The following WDR44 variants were observed in gnomAD, a reference collection of about 807,000 sequenced individuals.
The protein encoded by WDR44 is WD repeat-containing protein 44.
Under a neutral mutation model 65.7 loss-of-function variants are expected in WDR44, and 9 were observed. The ratio of observed to expected loss-of-function variants is 0.14; its 90% CI spans 0.08 to 0.24. WDR44 has a LOEUF of 0.24. Among genes scored for constraint, WDR44 ranks in the 10% least tolerant of loss-of-function variants. WDR44 has a pLI of 1.00. For missense variants in WDR44, 425 were observed against 670.9 expected (o/e 0.63, Z 4.05); for synonymous variants, 220 against 235.2 (o/e 0.94, Z 0.59).
rs1459917015 is a variant in WDR44 at position 118,422,668 on chromosome X, G to A, written c.1738-10113G>A. On this transcript the variant is annotated intron_variant, in intron 12 of 19. Coordinates refer to ENST00000254029, the MANE Select transcript of WDR44 (RefSeq NM_019045.5). ...ATCGCACCATTGCACTCCAGCCTGG[G>A]TGACAAGAGCAAAACTCCGTCTCAA... Among the ~76,000 whole-genome samples the A allele has an allele frequency of 6.4e-5, 7 of 109,005 alleles. No individual in the cohort carries two copies. The East Asian group carries it at 2.0e-3, about 31-fold the overall frequency. The allele number at this position is 109,005 out of a possible 115,157, so 94.7% of individuals were successfully genotyped here.
rs1398313578 is a variant in WDR44, at chrX:118,430,340, A to C, written c.1738-2441A>C. Among the ~76,000 whole-genome samples, 4 of 104,807 alleles carry C rather than the reference A, an allele frequency of 3.8e-5. No homozygotes were observed. The Admixed American group carries it at 4.2e-4, about 11-fold the overall frequency. 91.0% of individuals were successfully genotyped at this position (104,807 alleles called of 115,157 possible). Reference sequence around the variant, plus strand: ...TGGTGGATCATGAGGTCAGGAGTTCAAGACCAGCCTGGCCAAGATGGTGAA... The same window carrying C: ...TGGTGGATCATGAGGTCAGGAGTTCCAGACCAGCCTGGCCAAGATGGTGAA... On this transcript the variant is annotated intron_variant, in intron 12 of 19. Coordinates refer to ENST00000254029, the MANE Select transcript of WDR44 (RefSeq NM_019045.5).
At chrX:118,436,102 C>T (rs987914066) in intron 13 of WDR44, among the ~76,000 whole-genome samples, 1 of 112,084 alleles carries the variant, frequency 8.9e-6, no homozygotes, top group African/African-American at 3.2e-5. Context: ...GGGGCCATCA[C>T]GGTGCCTAAG....
intron 3 of WDR44, among the ~76,000 whole-genome samples, chrX:118,391,217 G>A (rs970467813): frequency 2.7e-5 from 3 of 111,836 alleles, no homozygotes; most frequent in African/African-American, 9.8e-5. Context: ...CCGTGCTAAT[G>A]TCTCTGTATC....
chrX:118,441,622 G>A (rs2057305703), intron 15 of WDR44, 63 bp downstream of exon 15: 2 of 1,006,042 alleles, frequency 2.0e-6, no homozygotes, highest in African/African-American at 1.9e-5. Flanking sequence ...CATGGTTTTG[G>A]ACAAGTTGCT....
intron 1 of WDR44, among the ~76,000 whole-genome samples, chrX:118,350,535 A>G (rs1225331963): frequency 9.0e-6 from 1 of 111,631 alleles, no homozygotes; most frequent in East Asian, 2.8e-4. Context: ...TGTATTGATA[A>G]GCTTTTGTTC....
In WDR44 at chrX:118,367,051, A is replaced by G. The variant is rs770256384; in HGVS notation, c.78-11368A>G. 2.9e-3 allele frequency among the ~76,000 whole-genome samples: 321 copies of G among 109,176 alleles called. 3 individuals are homozygous for G. The highest frequency in any genetic ancestry group is 0.014 in the Middle Eastern group (3 of 212). 94.8% of individuals were successfully genotyped at this position (109,176 alleles called of 115,157 possible). On this transcript the variant is annotated intron_variant, in intron 1 of 19. Transcript: ENST00000254029. The stretch of plus-strand genomic sequence containing the variant: ...CGGTAAGCCGAGATCACGCCACTGC[A>G]CCCCAGCCTGGGCAACAGAGCAAGA...
chrX:118,383,662 G>A (rs780383367), intron 2 of WDR44, among the ~76,000 whole-genome samples: 14 of 106,272 alleles, frequency 1.3e-4, no homozygotes, highest in Non-Finnish European at 2.5e-4. Flanking sequence ...TTTTTCCTGC[G>A]GACCCCGTTC....
intron 13 of WDR44, among the ~76,000 whole-genome samples, chrX:118,435,495 C>G (rs751721503): frequency 9.0e-6 from 1 of 111,629 alleles, no homozygotes; most frequent in East Asian, 2.8e-4. Context: ...GGTGGCCAGA[C>G]TGATCTCGAA....
intron 4 of WDR44, among the ~76,000 whole-genome samples, chrX:118,393,613 A>AAAT (rs2056840467): frequency 9.0e-6 from 1 of 110,547 alleles, no homozygotes; most frequent in South Asian, 3.8e-4. Context: ...AAAAAGAGAG[A>AAAT]AATAACTCTT....
At chrX:118,426,570 G>A (rs949613416) in intron 12 of WDR44, among the ~76,000 whole-genome samples, 1 of 110,279 alleles carries the variant, frequency 9.1e-6, no homozygotes, top group Non-Finnish European at 1.9e-5. Context: ...GCTGAGTGTG[G>A]TGGCACATGC....
intron 14 of WDR44, among the ~76,000 whole-genome samples, chrX:118,437,107 G>A (rs917654859): frequency 7.2e-5 from 8 of 111,369 alleles, no homozygotes; most frequent in Non-Finnish European, 1.5e-4. Context: ...TATTGGAGAT[G>A]GAGGAAGAAG....
In WDR44 at chrX:118,361,526, T is replaced by C. The variant is rs781586591; in HGVS notation, c.77+14946T>C. Among the ~76,000 whole-genome samples, 4 of 111,989 alleles carry C rather than the reference T, an allele frequency of 3.6e-5. No homozygotes were observed. In the East Asian group the frequency reaches 1.1e-3, roughly 31 times the overall value. On this transcript the variant is annotated intron_variant, in intron 1 of 19. Transcript: ENST00000254029. ...CGGGGGGCCAAGGCAGACAGATTTCTTGAGCCCAAGAGTTCAAGAACAGCC... is the reference window on the plus strand; with the variant it reads ...CGGGGGGCCAAGGCAGACAGATTTCCTGAGCCCAAGAGTTCAAGAACAGCC...
In WDR44 at chrX:118,346,388, C is replaced by A; in HGVS notation, c.-116C>A. On this transcript the variant is annotated 5_prime_UTR_variant, in exon 1 of 20. Coordinates refer to ENST00000254029, the MANE Select transcript of WDR44 (RefSeq NM_019045.5). The stretch of plus-strand genomic sequence containing the variant: ...CGCTACAGATCGTCTGCTCCCTCAG[C>A]CTCGCCCGAGACCCACTTCCCCAGT... 4.8e-6 allele frequency: 3 copies of A among 621,979 alleles called. No individual in the cohort carries two copies. Among genetic ancestry groups the A allele is most frequent in the Non-Finnish European group, 8.0e-6 (3 of 373,888 alleles). The allele number at this position is 621,979 out of a possible 1,213,427, so 51.3% of individuals were successfully genotyped here. A position where few individuals can be genotyped will look rare whatever the true frequency, so the allele number is the denominator to read the frequency against.
At chrX:118,441,710 A>T (rs1406483251) in intron 15 of WDR44, 151 bp downstream of exon 15, 2 of 515,312 alleles carry the variant, frequency 3.9e-6, no homozygotes, top group Non-Finnish European at 5.9e-6. Flanking sequence ...GTTGGAACAG[A>T]TGACTTTTGA....
chrX:118,406,348 T>C (rs1457409302), intron 9 of WDR44, among the ~76,000 whole-genome samples: 1 of 111,049 alleles, frequency 9.0e-6, no homozygotes, highest in Non-Finnish European at 1.9e-5. Context: ...GGAGGATCAC[T>C]TAAGCCCAGG....
intron 2 of WDR44, among the ~76,000 whole-genome samples, chrX:118,379,043 C>A (rs972628622): frequency 1.0e-5 from 1 of 97,968 alleles, no homozygotes; most frequent in African/African-American, 3.7e-5. Context: ...GACTCCACCT[C>A]AAAAAAAAAA....
intron 17 of WDR44, among the ~76,000 whole-genome samples, chrX:118,443,011 G>A (rs1005811176): frequency 9.0e-6 from 1 of 110,857 alleles, no homozygotes; most frequent in Non-Finnish European, 1.9e-5. Flanking sequence ...GGCTCATCCC[G>A]CCACTCCCCT....
intron 1 of WDR44, among the ~76,000 whole-genome samples, chrX:118,355,378 G>A (rs755838736): frequency 8.9e-5 from 10 of 112,164 alleles, no homozygotes; most frequent in Admixed American, 8.5e-4. Context: ...ATTGGATATG[G>A]TGGACAAGTT....
intron 1 of WDR44, among the ~76,000 whole-genome samples, chrX:118,374,213 A>G (rs1192411827): frequency 9.0e-6 from 1 of 110,659 alleles, no homozygotes; most frequent in Non-Finnish European, 1.9e-5. Context: ...CAAGGCCCCT[A>G]TTAGGAAAGT....
Sources: gnomAD v4.1 joint callset for allele counts (sites outside exome capture counted in the v4.1 genomes callset) on GRCh38, gnomAD v4.1.1 for gene constraint, MANE v1.5 for transcripts, NCBI Gene and HGNC (gene_info 2026-07-23, HGNC 2026-07-21) for gene names.